TSPAN12: variants seen among roughly 807,000 people sequenced by gnomAD.
TSPAN12 encodes tetraspanin-12.
TSPAN12 carries 19 observed loss-of-function variants against 39.2 expected under a neutral mutation model. That is an observed-to-expected ratio of 0.49 (90% CI 0.34 to 0.71). The LOEUF is 0.71. Among genes scored for constraint, TSPAN12 ranks in the 30% least tolerant of loss-of-function variants. The pLI, the probability that TSPAN12 is intolerant of heterozygous loss-of-function variation, is 0.01. For missense variants in TSPAN12, 314 were observed against 359.9 expected, an observed-to-expected ratio of 0.87 and a Z score of 1.03; for synonymous variants, 119 against 124.8, an observed-to-expected ratio of 0.95 and a Z score of 0.31.
rs557609676 is a variant in TSPAN12 at position 120,856,181 on chromosome 7, A to G, written c.66+517T>C. Among the ~76,000 whole-genome samples the G allele has an allele frequency of 5.0e-4, 76 of 152,294 alleles. 1 individual carries two copies. Among genetic ancestry groups the G allele is most frequent in the Middle Eastern group, 3.4e-3 (1 of 294 alleles). The stretch of plus-strand genomic sequence containing the variant: ...TAGTTACATAAAAATCACCCTTCAG[A>G]CCGTATGGAATCCCCTAGACAAATC... On this transcript the variant is annotated intron_variant, in intron 2 of 7. Transcript: ENST00000222747.
At chr7:120,830,961 C>T (rs900898999) in intron 4 of TSPAN12, among the ~76,000 whole-genome samples, 4 of 151,612 alleles carry the variant, frequency 2.6e-5, no homozygotes, top group Non-Finnish European at 5.9e-5. Flanking sequence ...GTAAATAACC[C>T]AATTAAAAAA....
At chr7:120,801,166 AG>A (rs1310910834) in intron 7 of TSPAN12, among the ~76,000 whole-genome samples, 2 of 152,120 alleles carry the variant, frequency 1.3e-5, no homozygotes, top group African/African-American at 4.8e-5. Context: ...TTTAACCTGT[AG>A]GAGCACCTCT....
chr7:120,854,414 A>G (rs1002006236), intron 2 of TSPAN12, among the ~76,000 whole-genome samples: 3 of 152,250 alleles, frequency 2.0e-5, no homozygotes, highest in African/African-American at 7.2e-5. Flanking sequence ...TAACTGCAAT[A>G]CTGCTATTGC....
chr7:120,788,932 A>G lies in TSPAN12; in HGVS notation c.613-35T>C, dbSNP rs771952481. ...AAATACATGGTCAACATTACTTTAG[A>G]TATGTTACAGAAGGCCAAAAATAGT... On this transcript the variant is annotated intron_variant, in intron 7 of 7. Coordinates refer to ENST00000222747, the MANE Select transcript of TSPAN12 (RefSeq NM_012338.4). 4.2e-5 allele frequency: 68 copies of G among 1,609,404 alleles called. No homozygotes were observed. The Admixed American group carries it at 1.1e-3, about 26-fold the overall frequency.
Position 120,806,677 on chromosome 7 carries a change from C to T in TSPAN12, c.484G>A (p.Val162Ile), listed in dbSNP as rs774728139. The change falls in exon 7 of 8, where the codon GTA becomes ATA. Residue 162 changes from valine (V) to isoleucine (I), a missense_variant. Coordinates refer to ENST00000222747, the MANE Select transcript of TSPAN12 (RefSeq NM_012338.4). Reference protein sequence around the residue: ...FFQREFKCCGVVYFTDWLEMT... With the variant: ...FFQREFKCCGIVYFTDWLEMT... ...TCCAACCAGTCAGTGAAATATACTA[C>T]TCCACAGCACTTAAACTGCAAAAAA... 4.5e-5 allele frequency: 72 copies of T among 1,613,210 alleles called. 1 individual carries two copies. In the East Asian group the frequency reaches 1.6e-3, roughly 35 times the overall value.
chr7:120,827,122 T>A (rs1323729818), intron 4 of TSPAN12, among the ~76,000 whole-genome samples: 1 of 150,954 alleles, frequency 6.6e-6, no homozygotes, highest in African/African-American at 2.5e-5. Context: ...ACTCGTACTA[T>A]AATAGCTGTC....
rs186827425 is a variant in TSPAN12, at chr7:120,787,876, T to A, written c.*716A>T. ...CCCAGGACAGAATAGTAAAGCTTTA[T>A]TAACAGGAAAGGCTAAAAATAATGA... On this transcript the variant is annotated 3_prime_UTR_variant, in exon 8 of 8. Coordinates refer to ENST00000222747, the MANE Select transcript of TSPAN12 (RefSeq NM_012338.4). The A allele has an allele frequency of 6.5e-6, 1 of 152,724 alleles. No homozygotes were observed. The highest frequency in any genetic ancestry group is 2.4e-5 in the African/African-American group (1 of 41,452). The allele number at this position is 152,724 out of a possible 1,614,324, so 9.5% of individuals were successfully genotyped here. A position where few individuals can be genotyped will look rare whatever the true frequency, so the allele number is the denominator to read the frequency against.
intron 1 of TSPAN12, 169 bp from the exon 2 acceptor site, chr7:120,857,002 A>C (rs1562956582): frequency 3.4e-6 from 2 of 589,242 alleles, no homozygotes; most frequent in African/African-American, 1.9e-5. Context: ...AATGGTAACT[A>C]AACTCCCAAA....
chr7:120,790,124 G>C, intron 7 of TSPAN12, among the ~76,000 whole-genome samples: 1 of 152,168 alleles, frequency 6.6e-6, no homozygotes, highest in Non-Finnish European at 1.5e-5. Context: ...CTCTGCAGGA[G>C]AGAGTTCTTC....
At chr7:120,813,643 C>T (rs746774527) in intron 5 of TSPAN12, among the ~76,000 whole-genome samples, 1 of 152,126 alleles carries the variant, frequency 6.6e-6, no homozygotes, top group African/African-American at 2.4e-5. Context: ...ATTGCTAAAA[C>T]CCTTTTAATT....
chr7:120,828,158 A>G lies in TSPAN12; in HGVS notation c.285+10619T>C, dbSNP rs79879423. 3.0e-3 allele frequency among the ~76,000 whole-genome samples: 452 copies of G among 152,274 alleles called. 2 individuals are homozygous for G. Among genetic ancestry groups the G allele is most frequent in the African/African-American group, 0.01 (435 of 41,542 alleles). Reference sequence around the variant, plus strand: ...AAGCATGTCCTCCATTCTCTCTTCTATCATTAAAAAAGGTTATCAAAACGT... The same window carrying G: ...AAGCATGTCCTCCATTCTCTCTTCTGTCATTAAAAAAGGTTATCAAAACGT... On this transcript the variant is annotated intron_variant, in intron 4 of 7. Transcript: ENST00000222747.
chr7:120,822,253 C>G (rs1055617601), intron 4 of TSPAN12, among the ~76,000 whole-genome samples: 1 of 151,992 alleles, frequency 6.6e-6, no homozygotes, highest in African/African-American at 2.4e-5. Context: ...TATATGTACA[C>G]AGACAAAATA....
intron 2 of TSPAN12, among the ~76,000 whole-genome samples, chr7:120,840,469 T>G (rs1244821883): frequency 1.4e-5 from 2 of 146,404 alleles, no homozygotes; most frequent in African/African-American, 5.1e-5. Context: ...TTAAATACTA[T>G]TACTGAACAA....
chr7:120,799,612 A>G (rs1324612837), intron 7 of TSPAN12, among the ~76,000 whole-genome samples: 2 of 119,286 alleles, frequency 1.7e-5, no homozygotes, highest in African/African-American at 6.9e-5. Flanking sequence ...ATAATTATAT[A>G]TATAATTAAA....
intron 2 of TSPAN12, among the ~76,000 whole-genome samples, chr7:120,843,278 C>CAT (rs756141041): frequency 2.0e-5 from 3 of 152,218 alleles, no homozygotes; most frequent in Non-Finnish European, 2.9e-5. Flanking sequence ...ATCTGTTCTG[C>CAT]ATATATATGC....
chr7:120,858,333 G>A (rs942063251), upstream of TSPAN12: 1 of 152,298 alleles, frequency 6.6e-6, no homozygotes, highest in Non-Finnish European at 1.5e-5. Context: ...TGGAGGCTGG[G>A]TTATAAGCAT....
intron 1 of TSPAN12, 64 bp from the exon 2 acceptor site, chr7:120,856,897 G>A (rs1341376169): frequency 1.8e-5 from 17 of 952,252 alleles, no homozygotes; most frequent in Non-Finnish European, 2.2e-5. Context: ...CAGCCTGCCC[G>A]TCCCTCCTCC....
intron 5 of TSPAN12, among the ~76,000 whole-genome samples, chr7:120,813,094 A>C (rs1260206247): frequency 6.6e-6 from 1 of 152,246 alleles, no homozygotes. Flanking sequence ...GTCATAAAGT[A>C]ACACACAGGT....
In TSPAN12 at chr7:120,830,727, C is replaced by T. The variant is rs188251383; in HGVS notation, c.285+8050G>A. Among the ~76,000 whole-genome samples the T allele has an allele frequency of 3.3e-5, 5 of 151,876 alleles. No individual in the cohort carries two copies. The East Asian group carries it at 7.7e-4, about 24-fold the overall frequency. ...ATGCATGAGAAGAACTCCAGGACAC[C>T]GATCTGAGCAATGATTTTTTAATAT... On this transcript the variant is annotated intron_variant, in intron 4 of 7. Transcript: ENST00000222747.
Sources: gnomAD v4.1 joint callset for allele counts (sites outside exome capture counted in the v4.1 genomes callset) on GRCh38, gnomAD v4.1.1 for gene constraint, MANE v1.5 for transcripts, NCBI Gene and HGNC (gene_info 2026-07-23, HGNC 2026-07-21) for gene names.